The following CAST variants were observed in gnomAD, a reference collection of about 807,000 sequenced individuals.
The protein encoded by CAST is MIR583 host.
In CAST, 76 loss-of-function variants were observed where a neutral mutation model predicts 119.6. The ratio of observed to expected loss-of-function variants is 0.64; its 90% CI spans 0.53 to 0.77. The LOEUF is 0.77. Among genes scored for constraint, CAST ranks in the 30% least tolerant of loss-of-function variants. The pLI is 0.00. For missense variants in CAST, 953 were observed against 946.5 expected (o/e 1.01, Z -0.09); for synonymous variants, 319 against 331.6 (o/e 0.96, Z 0.41).
At chr5:96,433,484 AC>A in the CAST span, among the ~76,000 whole-genome samples, 1 of 152,204 alleles carries the variant, frequency 6.6e-6, no homozygotes, top group Non-Finnish European at 1.5e-5. Flanking sequence ...AAACATTTTC[AC>A]TTTTCAAAGA....
chr5:96,734,214 T>G lies in CAST; in HGVS notation c.631-1958T>G, dbSNP rs576596276. On this transcript the variant is annotated intron_variant, in intron 9 of 31. Coordinates refer to ENST00000675179, the MANE Select transcript of CAST (RefSeq NM_001750.7). ...GCACAGAGGAAGTGAATGGTGGGGC[T>G]GTAAGACCAGAAAGACAGGTTGAGC... is the stretch of plus-strand genomic sequence containing the variant. 4.6e-5 allele frequency among the ~76,000 whole-genome samples: 7 copies of G among 152,314 alleles called. 1 individual carries two copies. The highest frequency in any genetic ancestry group is 1.7e-4 in the African/African-American group (7 of 41,576).
chr5:96,631,918 C>T (rs1747824592), intron 1 of CAST, among the ~76,000 whole-genome samples: 1 of 152,122 alleles, frequency 6.6e-6, no homozygotes, highest in Admixed American at 6.5e-5. Context: ...TGAGGAACAG[C>T]CAAGCTGTTT....
At chr5:96,719,260 A>C (rs1757770405) in intron 3 of CAST, among the ~76,000 whole-genome samples, 1 of 152,122 alleles carries the variant, frequency 6.6e-6, no homozygotes, top group Admixed American at 6.5e-5. Flanking sequence ...CAAGACAGTT[A>C]AGTGAGCCTC....
At chr5:96,220,927 G>A in the CAST span, among the ~76,000 whole-genome samples, 1 of 152,146 alleles carries the variant, frequency 6.6e-6, no homozygotes, top group Non-Finnish European at 1.5e-5. Context: ...AGGAAGAGTT[G>A]CATCACTCCC....
intron 3 of CAST, chr5:96,702,914 G>T: frequency 1.0e-6 from 1 of 985,598 alleles, no homozygotes; most frequent in Non-Finnish European, 1.2e-6. Context: ...TGTCCACGCA[G>T]AGTGAGTACT....
At chr5:96,689,216 T>A (rs1020610241) in intron 2 of CAST, among the ~76,000 whole-genome samples, 2 of 152,230 alleles carry the variant, frequency 1.3e-5, no homozygotes, top group African/African-American at 4.8e-5. Context: ...TACATACAAT[T>A]TAAAGAGGTT....
At chr5:96,622,117 C>T (rs1747621761) in intron 1 of CAST, among the ~76,000 whole-genome samples, 1 of 151,620 alleles carries the variant, frequency 6.6e-6, no homozygotes, top group African/African-American at 2.4e-5. Context: ...TTACAGGCAC[C>T]CACCACCACA....
the CAST span, among the ~76,000 whole-genome samples, chr5:96,356,820 T>C: frequency 6.6e-6 from 1 of 152,212 alleles, no homozygotes. Flanking sequence ...TGCAGGCTCT[T>C]TTTTGCTTCT....
the CAST span, among the ~76,000 whole-genome samples, chr5:96,273,366 G>A: frequency 6.6e-6 from 1 of 152,160 alleles, no homozygotes; most frequent in Non-Finnish European, 1.5e-5. Flanking sequence ...AAACCACAGG[G>A]GCAGTGTGAC....
At chr5:96,046,615 G>A in the CAST span, among the ~76,000 whole-genome samples, 3 of 152,160 alleles carry the variant, frequency 2.0e-5, no homozygotes, top group Non-Finnish European at 4.4e-5. Flanking sequence ...GATGGCACTG[G>A]CTCTGGCCTG....
the CAST span, among the ~76,000 whole-genome samples, chr5:96,227,995 TTCTC>T: frequency 1.4e-4 from 20 of 139,674 alleles, no homozygotes; most frequent in Admixed American, 3.1e-4. Context: ...GTCTCCCTCT[TTCTC>T]TCTCTGTGTG....
the CAST span, among the ~76,000 whole-genome samples, chr5:96,048,240 A>G: frequency 1.1e-4 from 17 of 152,210 alleles, no homozygotes; most frequent in Non-Finnish European, 1.5e-4. Context: ...TTTTGCAAAT[A>G]TAACTAGCTC....
At chr5:96,225,337 T>C in the CAST span, among the ~76,000 whole-genome samples, 1 of 152,122 alleles carries the variant, frequency 6.6e-6, no homozygotes, top group Admixed American at 6.5e-5. Flanking sequence ...TTTATGAAAA[T>C]GTAGAATGAT....
intron 22 of CAST, among the ~76,000 whole-genome samples, chr5:96,756,820 G>T (rs17086638): frequency 1.3e-5 from 2 of 152,006 alleles, no homozygotes; most frequent in African/African-American, 2.4e-5. Flanking sequence ...AAAGAGCCCC[G>T]CATGCTTTCT....
At chr5:96,422,123 C>T in the CAST span, among the ~76,000 whole-genome samples, 2 of 150,716 alleles carry the variant, frequency 1.3e-5, no homozygotes, top group Non-Finnish European at 3.0e-5. Context: ...ATTTATTTTA[C>T]TCACAAACCA....
the CAST span, among the ~76,000 whole-genome samples, chr5:95,981,414 T>A: frequency 6.6e-6 from 1 of 152,192 alleles, no homozygotes; most frequent in East Asian, 1.9e-4. Flanking sequence ...ATATCACTTT[T>A]ATTTCTTGTA....
At chr5:96,572,991 G>T (rs895293156) in intron 1 of CAST, among the ~76,000 whole-genome samples, 1 of 152,224 alleles carries the variant, frequency 6.6e-6, no homozygotes. Flanking sequence ...CAGGCAGGGA[G>T]TCCAGTGTTG....
chr5:96,155,212 G>A, the CAST span, among the ~76,000 whole-genome samples: 1 of 152,170 alleles, frequency 6.6e-6, no homozygotes, highest in Non-Finnish European at 1.5e-5. Flanking sequence ...GTACCACGCT[G>A]GTGACAGAAG....
At chr5:96,184,021 A>G in the CAST span, among the ~76,000 whole-genome samples, 1 of 152,244 alleles carries the variant, frequency 6.6e-6, no homozygotes, top group Non-Finnish European at 1.5e-5. Context: ...ATGCATATGT[A>G]TAGGTAAGTG....
Sources: gnomAD v4.1 joint callset for allele counts (sites outside exome capture counted in the v4.1 genomes callset) on GRCh38, gnomAD v4.1.1 for gene constraint, MANE v1.5 for transcripts, NCBI Gene and HGNC (gene_info 2026-07-23, HGNC 2026-07-21) for gene names.